Variants in DIP2C observed in about 807,000 individuals in gnomAD.
DIP2C encodes disco-interacting protein 2 homolog C.
In DIP2C, 33 loss-of-function variants were observed where a neutral mutation model predicts 192.4. The observed-to-expected ratio is 0.17, with a 90% CI of 0.13 to 0.23. The LOEUF is 0.23. Among genes scored for constraint, DIP2C ranks in the 10% least tolerant of loss-of-function variants. DIP2C has a pLI of 1.00. For synonymous variants in DIP2C, 979 were observed against 864.1 expected (o/e 1.13, Z -2.33); for missense variants, 1,537 against 2,110.1 (o/e 0.73, Z 5.32).
At chr10:536,446 G>A (rs1054864723) in intron 1 of DIP2C, among the ~76,000 whole-genome samples, 3 of 152,202 alleles carry the variant, frequency 2.0e-5, no homozygotes, top group Non-Finnish European at 2.9e-5. Context: ...AGTCCCGGGG[G>A]CTAGAGTTGT....
chr10:537,799 T>C (rs1412916543), intron 1 of DIP2C, among the ~76,000 whole-genome samples: 1 of 152,058 alleles, frequency 6.6e-6, no homozygotes, highest in Non-Finnish European at 1.5e-5. Flanking sequence ...GCGAATTTTT[T>C]TTTTTCCCCC....
chr10:467,367 T>C (rs1241698482), intron 3 of DIP2C, among the ~76,000 whole-genome samples: 61 of 114,422 alleles, frequency 5.3e-4, no homozygotes, highest in African/African-American at 1.6e-3. Flanking sequence ...AATATCACAC[T>C]CTGGGGACTG....
At position 406,626 on chromosome 10, in the gene DIP2C, C is replaced by A. The variant is rs140042979; in HGVS notation, c.1149+2300G>T. Among the ~76,000 whole-genome samples the A allele has an allele frequency of 1.0e-3, 157 of 152,322 alleles. 1 individual carries two copies. The highest frequency in any genetic ancestry group is 3.5e-3 in the African/African-American group (145 of 41,574). On this transcript the variant is annotated intron_variant, in intron 9 of 36. Coordinates refer to ENST00000280886, the MANE Select transcript of DIP2C (RefSeq NM_014974.3). ...GGAAGGAATTCAGTTCATAGTTTGA[C>A]TCTGAAACAAAACTGGTAATAGCCC...
In DIP2C at chr10:640,062, T is replaced by C. The variant is rs567592445; in HGVS notation, c.85+49432A>G. On this transcript the variant is annotated intron_variant, in intron 1 of 36. Coordinates refer to ENST00000280886, the MANE Select transcript of DIP2C (RefSeq NM_014974.3). ...CACACCCGCCACGCATGTGGGCCTG[T>C]GCATGTCCCTCCACGCATCTCCACG... 8.9e-4 allele frequency among the ~76,000 whole-genome samples: 136 copies of C among 151,992 alleles called. 1 individual carries two copies. Among genetic ancestry groups the C allele is most frequent in the African/African-American group, 3.2e-3 (131 of 41,444 alleles).
intron 1 of DIP2C, among the ~76,000 whole-genome samples, chr10:620,930 C>T (rs777272226): frequency 5.3e-5 from 8 of 152,200 alleles, no homozygotes; most frequent in Non-Finnish European, 1.0e-4. Flanking sequence ...GGCTTAACCA[C>T]GGGGTCATGT....
At chr10:426,533 C>A (rs1359839053) in intron 4 of DIP2C, among the ~76,000 whole-genome samples, 1 of 152,146 alleles carries the variant, frequency 6.6e-6, no homozygotes, top group African/African-American at 2.4e-5. Context: ...ATACAAAGGA[C>A]CTACAATAGC....
chr10:319,933 T>C (rs1435549494), intron 31 of DIP2C, among the ~76,000 whole-genome samples: 2 of 152,212 alleles, frequency 1.3e-5, no homozygotes, highest in African/African-American at 2.4e-5. Flanking sequence ...AGATGCTGTC[T>C]GAATCCAATG....
intron 17 of DIP2C, among the ~76,000 whole-genome samples, chr10:381,827 G>C (rs989671101): frequency 6.6e-6 from 1 of 152,118 alleles, no homozygotes; most frequent in Non-Finnish European, 1.5e-5. Context: ...CCCACCACTG[G>C]GAGTATTGCC....
intron 1 of DIP2C, among the ~76,000 whole-genome samples, chr10:577,118 C>T (rs1448513193): frequency 6.6e-6 from 1 of 152,152 alleles, no homozygotes; most frequent in East Asian, 1.9e-4. Flanking sequence ...AAATAAAGCG[C>T]AGATATTCCA....
intron 1 of DIP2C, among the ~76,000 whole-genome samples, chr10:493,731 G>A (rs997182060): frequency 6.6e-6 from 1 of 152,200 alleles, no homozygotes; most frequent in Admixed American, 6.5e-5. Flanking sequence ...AAGGATGGAG[G>A]CCGATTATCC....
intron 3 of DIP2C, among the ~76,000 whole-genome samples, chr10:446,163 A>G (rs7096864): frequency 0.98 from 148,530 of 151,810 alleles, 72,733 homozygotes; most frequent in Middle Eastern, 1. Flanking sequence ...CTAGGCATCT[A>G]TATACATCTG....
intron 33 of DIP2C, among the ~76,000 whole-genome samples, chr10:287,370 A>G (rs1955200055): frequency 6.6e-6 from 1 of 152,252 alleles, no homozygotes; most frequent in Non-Finnish European, 1.5e-5. Flanking sequence ...CAGCTCATCT[A>G]ACATTTATGA....
In DIP2C at chr10:479,265, T is replaced by A. The variant is rs1843404745; in HGVS notation, c.158-6716A>T. Reference sequence around the variant, plus strand: ...TGTATTCACTGGGATGGGAACATCATACAATGGTAAGACTGAAATTCCATT... The same window carrying A: ...TGTATTCACTGGGATGGGAACATCAAACAATGGTAAGACTGAAATTCCATT... On this transcript the variant is annotated intron_variant, in intron 2 of 36. Coordinates refer to ENST00000280886, the MANE Select transcript of DIP2C (RefSeq NM_014974.3). 2.7e-5 allele frequency among the ~76,000 whole-genome samples: 4 copies of A among 150,734 alleles called. No homozygotes were observed. In the South Asian group the frequency reaches 8.4e-4, roughly 32 times the overall value.
intron 1 of DIP2C, among the ~76,000 whole-genome samples, chr10:678,779 C>G (rs1830979232): frequency 1.0e-5 from 1 of 98,200 alleles, no homozygotes; most frequent in African/African-American, 5.0e-5. Flanking sequence ...CCGCACCTGT[C>G]CTCCCTGCGC....
intron 1 of DIP2C, among the ~76,000 whole-genome samples, chr10:506,435 T>G (rs816588): frequency 0.023 from 3,551 of 151,996 alleles, 138 homozygotes; most frequent in African/African-American, 0.081. Flanking sequence ...AGCCCTGGGG[T>G]CTGAGGCTTT....
intron 2 of DIP2C, among the ~76,000 whole-genome samples, chr10:478,826 C>A (rs1348639390): frequency 4.6e-5 from 7 of 152,100 alleles, no homozygotes; most frequent in Non-Finnish European, 8.8e-5. Flanking sequence ...ATCGCGTGTC[C>A]GGGCGTGCTG....
At chr10:507,032 C>T (rs536475904) in intron 1 of DIP2C, among the ~76,000 whole-genome samples, 8 of 151,158 alleles carry the variant, frequency 5.3e-5, no homozygotes, top group Admixed American at 1.3e-4. Flanking sequence ...TGTGAGGTCA[C>T]GGACCCGGTC....
rs955607051 is a variant in DIP2C, at chr10:441,013, T to C, written c.269-17A>G. 11 of 1,607,012 alleles carry C rather than the reference T, an allele frequency of 6.8e-6. No individual in the cohort carries two copies. The highest frequency in any genetic ancestry group is 8.5e-6 in the Non-Finnish European group (10 of 1,178,032). On this transcript the variant is annotated splice_polypyrimidine_tract_variant and intron_variant, in intron 3 of 36. Coordinates refer to ENST00000280886, the MANE Select transcript of DIP2C (RefSeq NM_014974.3). ...TGTGGACGTCTGAAACGGAGAGAGC[T>C]CAGTCACTCAGTGCTCAGCTGAGGT... is the stretch of plus-strand genomic sequence containing the variant.
chr10:507,746 C>A (rs74115027), intron 1 of DIP2C, among the ~76,000 whole-genome samples: 180 of 152,238 alleles, frequency 1.2e-3, no homozygotes, highest in African/African-American at 4.3e-3. Context: ...GATTGAAGAT[C>A]GAAGGTTAGA....
Sources: gnomAD v4.1 joint callset for allele counts (sites outside exome capture counted in the v4.1 genomes callset) on GRCh38, gnomAD v4.1.1 for gene constraint, MANE v1.5 for transcripts, NCBI Gene and HGNC (gene_info 2026-07-23, HGNC 2026-07-21) for gene names.